Variants in CPEB3 observed in about 807,000 individuals in gnomAD.
The protein encoded by CPEB3 is cytoplasmic polyadenylation element binding protein 3.
A neutral mutation model predicts 67.2 loss-of-function variants in CPEB3; 20 were observed. The ratio of observed to expected loss-of-function variants is 0.30; its 90% CI spans 0.21 to 0.43. CPEB3 has a LOEUF of 0.43. CPEB3 is among the 20% of genes least tolerant of loss of function. CPEB3 has a pLI of 1.00. For synonymous variants in CPEB3, 376 were observed against 393.1 expected (o/e 0.96, Z 0.51); for missense variants, 746 against 968.6 (o/e 0.77, Z 3.05).
chr10:92,072,821 C>T (rs1234295564), intron 9 of CPEB3, among the ~76,000 whole-genome samples: 1 of 152,130 alleles, frequency 6.6e-6, no homozygotes, highest in Non-Finnish European at 1.5e-5. Context: ...CTCTGTTACG[C>T]ACGAGTGTAA....
chr10:92,071,741 A>G (rs558479086), intron 9 of CPEB3, among the ~76,000 whole-genome samples: 91 of 152,206 alleles, frequency 6.0e-4, no homozygotes, highest in African/African-American at 2.1e-3. Flanking sequence ...TCTCAAAAAA[A>G]AAAAAAAAAT....
At chr10:92,173,156 C>T (rs1259825366) in intron 4 of CPEB3, among the ~76,000 whole-genome samples, 2 of 152,142 alleles carry the variant, frequency 1.3e-5, no homozygotes, top group African/African-American at 4.8e-5. Flanking sequence ...TAAAGAAAAA[C>T]ACCAACATTA....
At chr10:92,119,409 T>A (rs1321159382) in intron 6 of CPEB3, among the ~76,000 whole-genome samples, 2 of 152,216 alleles carry the variant, frequency 1.3e-5, no homozygotes, top group African/African-American at 2.4e-5. Context: ...ACAACTTGCC[T>A]ACTCTGGGAC....
At chr10:92,192,071 T>C (rs1849008375) in intron 3 of CPEB3, among the ~76,000 whole-genome samples, 1 of 152,226 alleles carries the variant, frequency 6.6e-6, no homozygotes. Context: ...GTCCTTTATA[T>C]GCAGTTTTCT....
At chr10:92,117,496 A>G (rs1845100841) in intron 6 of CPEB3, among the ~76,000 whole-genome samples, 1 of 148,892 alleles carries the variant, frequency 6.7e-6, no homozygotes, top group Non-Finnish European at 1.5e-5. Flanking sequence ...CACCCGGCTA[A>G]TTTTTTTGTA....
chr10:92,067,484 G>T (rs960119464), intron 9 of CPEB3, among the ~76,000 whole-genome samples: 1 of 151,874 alleles, frequency 6.6e-6, no homozygotes, highest in Admixed American at 6.6e-5. Flanking sequence ...CAGGCAACAA[G>T]AGTGAAACTC....
chr10:92,070,731 T>G (rs1199434443), intron 9 of CPEB3, among the ~76,000 whole-genome samples: 2 of 151,846 alleles, frequency 1.3e-5, no homozygotes, highest in African/African-American at 2.4e-5. Context: ...GAGCCAAGAT[T>G]GTGCCACTGT....
At chr10:92,142,110 T>C (rs1590228812) in intron 6 of CPEB3, among the ~76,000 whole-genome samples, 1 of 142,486 alleles carries the variant, frequency 7.0e-6, no homozygotes, top group Non-Finnish European at 1.5e-5. Flanking sequence ...ATGAAGAGAG[T>C]GAGAATTGGA....
intron 2 of CPEB3, among the ~76,000 whole-genome samples, chr10:92,229,010 C>A (rs1338315731): frequency 6.6e-6 from 1 of 151,960 alleles, no homozygotes; most frequent in African/African-American, 2.4e-5. Flanking sequence ...CCTCACCCAG[C>A]CAATTTTTTA....
intron 6 of CPEB3, among the ~76,000 whole-genome samples, chr10:92,121,643 T>C (rs1175357808): frequency 1.3e-5 from 2 of 151,050 alleles, no homozygotes; most frequent in Non-Finnish European, 2.9e-5. Flanking sequence ...CTATTAGTGA[T>C]GTATTTGTTT....
chr10:92,129,631 T>C (rs1304700752), intron 6 of CPEB3, among the ~76,000 whole-genome samples: 3 of 152,116 alleles, frequency 2.0e-5, no homozygotes, highest in African/African-American at 7.2e-5. Context: ...AGAATAACAA[T>C]AGAAAATACT....
chr10:92,088,513 G>C (rs1334831843), intron 8 of CPEB3, among the ~76,000 whole-genome samples: 9 of 151,902 alleles, frequency 5.9e-5, no homozygotes, highest in Non-Finnish European at 5.9e-5. Flanking sequence ...CTTAAAATAG[G>C]TTGCCTTTTT....
At chr10:92,290,258 A>G (rs753819260) in intron 1 of CPEB3, among the ~76,000 whole-genome samples, 19 of 152,166 alleles carry the variant, frequency 1.2e-4, no homozygotes, top group Non-Finnish European at 2.6e-4. Context: ...GTTTGAGCCG[A>G]CAGCTCTTTC....
chr10:92,163,646 A>C (rs762173793), intron 4 of CPEB3, among the ~76,000 whole-genome samples: 1 of 152,138 alleles, frequency 6.6e-6, no homozygotes, highest in Non-Finnish European at 1.5e-5. Flanking sequence ...TTAGACTATA[A>C]ATTCTTAAAC....
At chr10:92,223,033 G>A (rs546754615) in intron 2 of CPEB3, among the ~76,000 whole-genome samples, 36 of 152,154 alleles carry the variant, frequency 2.4e-4, no homozygotes, top group African/African-American at 8.2e-4. Context: ...CTTTTATTGC[G>A]TATAATCCTC....
At chr10:92,144,871 GA>G in intron 5 of CPEB3, 73 bp downstream of exon 5, 1 of 1,369,084 alleles carries the variant, frequency 7.3e-7, no homozygotes. Flanking sequence ...AGTTGACTTG[GA>G]GAGGAGAGGC....
chr10:92,055,846 C>T (rs1842089439), intron 9 of CPEB3, among the ~76,000 whole-genome samples: 1 of 151,990 alleles, frequency 6.6e-6, no homozygotes, highest in Non-Finnish European at 1.5e-5. Context: ...TCGAGACTAG[C>T]CTGGGCAACA....
intron 4 of CPEB3, among the ~76,000 whole-genome samples, chr10:92,180,600 T>G (rs780152348): frequency 2.4e-4 from 36 of 152,184 alleles, no homozygotes; most frequent in Non-Finnish European, 4.6e-4. Context: ...CAATAAAACT[T>G]CATTTACAAA....
At chr10:92,164,214 G>A (rs754338113) in intron 4 of CPEB3, among the ~76,000 whole-genome samples, 1 of 152,158 alleles carries the variant, frequency 6.6e-6, no homozygotes, top group African/African-American at 2.4e-5. Context: ...AAGGTCCAGA[G>A]AAGATGACTG....
Sources: gnomAD v4.1 joint callset for allele counts (sites outside exome capture counted in the v4.1 genomes callset) on GRCh38, gnomAD v4.1.1 for gene constraint, MANE v1.5 for transcripts, NCBI Gene and HGNC (gene_info 2026-07-23, HGNC 2026-07-21) for gene names.